The following ITSN2 variants were observed in gnomAD, a reference collection of about 807,000 sequenced individuals.
ITSN2 encodes the protein intersectin-2.
A neutral mutation model predicts 243.7 loss-of-function variants in ITSN2; 156 were observed. The observed-to-expected ratio is 0.64, with a 90% CI of 0.56 to 0.73. ITSN2 has a LOEUF of 0.73. Among genes scored for constraint, ITSN2 ranks in the 30% least tolerant of loss-of-function variants. The pLI is 0.00. For synonymous variants in ITSN2, 703 were observed against 699.9 expected, an observed-to-expected ratio of 1.00 and a Z score of -0.07; for missense variants, 1,801 against 1,996.1, an observed-to-expected ratio of 0.90 and a Z score of 1.86.
Position 24,315,217 on chromosome 2 carries a change from T to C in ITSN2, c.39A>G (p.Pro13=), listed in dbSNP as rs1683761417. Residue 13 remains proline (P), a synonymous_variant, in exon 3 of 40, where the codon CCA becomes CCG. Coordinates refer to ENST00000355123, the MANE Select transcript of ITSN2 (RefSeq NM_006277.3). ...CTTCAGAGGTAATAGCCCACATGTT[T>C]GGCCCTCCTGAAACATAAGTGGAAG... ...AQFPTAMNGG[P]NMWAITSEER... 1 of 1,606,288 alleles carries C rather than the reference T, an allele frequency of 6.2e-7. No individual in the cohort carries two copies. Among genetic ancestry groups the C allele is most frequent in the Admixed American group, 1.7e-5 (1 of 59,396 alleles).
At chr2:24,337,310 CACAAA>C (rs1686496350) in intron 1 of ITSN2, among the ~76,000 whole-genome samples, 2 of 16,450 alleles carry the variant, frequency 1.2e-4, no homozygotes, top group African/African-American at 2.2e-4. Context: ...TGTGTGTATA[CACAAA>C]ATATATATAT....
chr2:24,210,246 C>T (rs1000978347), intron 34 of ITSN2: 3 of 549,500 alleles, frequency 5.5e-6, no homozygotes, highest in Admixed American at 3.1e-5. Flanking sequence ...AGCCACAGAA[C>T]ACTGATTCTA....
At chr2:24,307,822 C>T (rs149390729) in intron 8 of ITSN2, among the ~76,000 whole-genome samples, 77 of 152,270 alleles carry the variant, frequency 5.1e-4, no homozygotes, top group African/African-American at 1.8e-3. Context: ...TCTCCTTTGT[C>T]ACCATCAAAT....
chr2:24,349,159 G>C (rs1033325137), intron 1 of ITSN2, among the ~76,000 whole-genome samples: 2 of 151,874 alleles, frequency 1.3e-5, no homozygotes, highest in African/African-American at 4.8e-5. Context: ...TATGCAATGA[G>C]AATTTTTTTA....
intron 29 of ITSN2, among the ~76,000 whole-genome samples, chr2:24,222,668 CTTTTTTTTTTTTTTT>C (rs56149622): frequency 1.3e-5 from 1 of 77,266 alleles, no homozygotes; most frequent in South Asian, 4.8e-4. Flanking sequence ...TTTTTCTTTT[CTTTTTTTTTTTTTTT>C]TTTTTTTTGG....
At chr2:24,307,572 C>A (rs569068365) in intron 8 of ITSN2, among the ~76,000 whole-genome samples, 2 of 152,204 alleles carry the variant, frequency 1.3e-5, no homozygotes, top group African/African-American at 4.8e-5. Context: ...TATCCCCATG[C>A]TTCCACAAGA....
intron 20 of ITSN2, among the ~76,000 whole-genome samples, chr2:24,270,199 A>G (rs934998466): frequency 6.6e-6 from 1 of 152,182 alleles, no homozygotes; most frequent in African/African-American, 2.4e-5. Context: ...TACTCTTTCC[A>G]TTATGTCCTA....
Position 24,294,942 on chromosome 2 carries a change from T to A in ITSN2, c.1635+722A>T, listed in dbSNP as rs550537255. On this transcript the variant is annotated intron_variant, in intron 14 of 39. Coordinates refer to ENST00000355123, the MANE Select transcript of ITSN2 (RefSeq NM_006277.3). ...GAAGACGCAGCAAGAAGGCACTAGT[T>A]TTAAAGGAGACAGCAAGCCCTCATC... 1.0e-3 allele frequency among the ~76,000 whole-genome samples: 152 copies of A among 152,238 alleles called. 1 individual carries two copies. Among genetic ancestry groups the A allele is most frequent in the African/African-American group, 3.6e-3 (148 of 41,542 alleles).
At chr2:24,346,080 T>C (rs1687500780) in intron 1 of ITSN2, among the ~76,000 whole-genome samples, 1 of 152,174 alleles carries the variant, frequency 6.6e-6, no homozygotes, top group South Asian at 2.1e-4. Context: ...TCTACCCTTC[T>C]TATCTCTATG....
intron 17 of ITSN2, among the ~76,000 whole-genome samples, chr2:24,277,869 C>A (rs994976312): frequency 3.3e-5 from 5 of 152,110 alleles, no homozygotes; most frequent in African/African-American, 9.7e-5. Flanking sequence ...AAACAAATCT[C>A]ATAATGTTTT....
chr2:24,326,952 A>G (rs1049355117), intron 2 of ITSN2, among the ~76,000 whole-genome samples: 2 of 152,218 alleles, frequency 1.3e-5, no homozygotes, highest in African/African-American at 4.8e-5. Flanking sequence ...TGCTTTGTGA[A>G]GATGGTAGAA....
chr2:24,246,755 A>C, intron 28 of ITSN2, 42 bp downstream of exon 28: 2 of 1,221,256 alleles, frequency 1.6e-6, no homozygotes, highest in South Asian at 2.6e-5. Flanking sequence ...GAGTTTTAAC[A>C]AACTCCTCTA....
At chr2:24,269,634 T>C (rs1323875238) in intron 20 of ITSN2, among the ~76,000 whole-genome samples, 2 of 152,208 alleles carry the variant, frequency 1.3e-5, no homozygotes, top group African/African-American at 4.8e-5. Context: ...CTGCTTTAGG[T>C]TGTCACGCTT....
At chr2:24,293,499 T>A (rs1438227410) in intron 15 of ITSN2, 189 bp downstream of exon 15, 2 of 363,260 alleles carry the variant, frequency 5.5e-6, no homozygotes, top group African/African-American at 2.1e-5. Context: ...TTTATTTTTA[T>A]CTACTTTTTA....
Position 24,275,725 on chromosome 2 carries a change from T to C in ITSN2, c.2069A>G (p.Asp690Gly), listed in dbSNP as rs1677926929. 1.2e-6 allele frequency: 2 copies of C among 1,609,218 alleles called. No homozygotes were observed. The highest frequency in any genetic ancestry group is 1.3e-5 in the African/African-American group (1 of 74,782). Residue 690 changes from aspartate to glycine, a missense_variant, in exon 18 of 40, where the codon GAT (aspartate) becomes GGT (glycine). Physicochemically the swap from Asp to Gly is moderately conservative, Grantham distance 94. Around this residue, in one of 5 missense-constraint regions of ITSN2, gnomAD observed 787 missense variants for 803.9 expected, o/e 0.98. Coordinates refer to ENST00000355123, the MANE Select transcript of ITSN2 (RefSeq NM_006277.3). ...LELMQKKKLE[D>G]EAARKAKQGK... is the part of the protein sequence containing the mutation. The stretch of plus-strand genomic sequence containing the variant: ...TCAGCTATATTACCTTGCAGCCTCA[T>C]CTTCTAGTTTCTTTTTCTGCATTAG...
At chr2:24,317,356 C>G (rs1358160254) in intron 2 of ITSN2, among the ~76,000 whole-genome samples, 1 of 151,690 alleles carries the variant, frequency 6.6e-6, no homozygotes, top group African/African-American at 2.4e-5. Flanking sequence ...AGCACTCCAG[C>G]CTGCGCCGAC....
intron 20 of ITSN2, 47 bp from the exon 21 acceptor site, chr2:24,261,789 T>A: frequency 7.2e-7 from 1 of 1,391,084 alleles, no homozygotes; most frequent in Non-Finnish European, 1.0e-6. Flanking sequence ...AATTCACACA[T>A]TTACAATGGA....
At chr2:24,349,026 G>A (rs903729583) in intron 1 of ITSN2, among the ~76,000 whole-genome samples, 2 of 152,124 alleles carry the variant, frequency 1.3e-5, no homozygotes, top group African/African-American at 4.8e-5. Context: ...CAGCACTGCT[G>A]GAGGCCAAGG....
chr2:24,287,363 T>C (rs1477618034), intron 15 of ITSN2, among the ~76,000 whole-genome samples: 1 of 152,088 alleles, frequency 6.6e-6, no homozygotes, highest in Non-Finnish European at 1.5e-5. Context: ...ATCTACCCAT[T>C]TTCCCCTCCC....
Sources: allele counts gnomAD v4.1 joint callset (sites outside exome capture counted in the v4.1 genomes callset), GRCh38; gene constraint gnomAD v4.1.1; regional missense constraint gnomAD v4.1.1; transcripts MANE v1.5; gene names NCBI Gene and HGNC (gene_info 2026-07-23, HGNC 2026-07-21).